CSMD1: variants seen among roughly 807,000 people sequenced by gnomAD.
CSMD1 encodes the protein CUB and sushi domain-containing protein 1.
A neutral mutation model predicts 417.5 loss-of-function variants in CSMD1; 213 were observed. The ratio of observed to expected loss-of-function variants is 0.51; its 90% CI spans 0.46 to 0.57. The LOEUF is 0.57. CSMD1 is among the 20% of genes least tolerant of loss of function. The probability of loss-of-function intolerance (pLI) is 0.00; values close to 1 mark genes in which losing one functional copy is unlikely to be tolerated. For missense variants in CSMD1, 6,923 were observed against 4,529.7 expected, an observed-to-expected ratio of 1.53 and a Z score of -15.17; for synonymous variants, 2,862 against 1,736.8, an observed-to-expected ratio of 1.65 and a Z score of -16.11.
At chr8:4,248,086 G>A (rs992990750) in intron 3 of CSMD1, among the ~76,000 whole-genome samples, 1 of 151,966 alleles carries the variant, frequency 6.6e-6, no homozygotes, top group Non-Finnish European at 1.5e-5. Context: ...ACTTTCTTCT[G>A]AAATTATTTT....
chr8:4,826,643 T>C (rs182242917), intron 1 of CSMD1, among the ~76,000 whole-genome samples: 1 of 152,150 alleles, frequency 6.6e-6, no homozygotes, highest in African/African-American at 2.4e-5. Context: ...CTGCAGGCAC[T>C]TGCACCTCAC....
chr8:3,573,364 T>C (rs376372846), intron 10 of CSMD1, among the ~76,000 whole-genome samples: 1 of 152,094 alleles, frequency 6.6e-6, no homozygotes, highest in Non-Finnish European at 1.5e-5. Context: ...GAGTAGCATA[T>C]AGAAAAAACA....
At chr8:3,831,623 T>TA (rs1465654304) in intron 5 of CSMD1, among the ~76,000 whole-genome samples, 1 of 152,206 alleles carries the variant, frequency 6.6e-6, no homozygotes, top group Non-Finnish European at 1.5e-5. Context: ...TTCATTGCAC[T>TA]ACTTATGGGT....
intron 5 of CSMD1, among the ~76,000 whole-genome samples, chr8:3,793,694 G>A (rs931998438): frequency 3.3e-5 from 5 of 152,116 alleles, no homozygotes; most frequent in Admixed American, 6.6e-5. Context: ...ATTATTCAGG[G>A]TAAGTTAATA....
intron 1 of CSMD1, among the ~76,000 whole-genome samples, chr8:4,964,542 A>G (rs1378958175): frequency 1.3e-5 from 2 of 150,850 alleles, no homozygotes; most frequent in Non-Finnish European, 3.0e-5. Flanking sequence ...AAGGAAGGAA[A>G]AAAAAAAAGG....
intron 28 of CSMD1, among the ~76,000 whole-genome samples, chr8:3,222,156 G>T (rs1259717921): frequency 6.6e-6 from 1 of 152,104 alleles, no homozygotes; most frequent in Non-Finnish European, 1.5e-5. Context: ...TAATCTATGG[G>T]TTGGGAGAGG....
chr8:4,280,425 G>A (rs368143322), intron 3 of CSMD1, among the ~76,000 whole-genome samples: 3 of 152,238 alleles, frequency 2.0e-5, no homozygotes, highest in East Asian at 1.9e-4. Context: ...TTTTAGTACC[G>A]AAATGTGCGA....
intron 6 of CSMD1, among the ~76,000 whole-genome samples, chr8:3,714,073 CA>C (rs1472962596): frequency 1.5e-5 from 2 of 136,128 alleles, no homozygotes; most frequent in Non-Finnish European, 3.3e-5. Context: ...TCCACATACA[CA>C]CATATGTATA....
chr8:2,965,997 C>T (rs1391545919), intron 58 of CSMD1, 43 bp from the exon 59 acceptor site: 2 of 1,493,088 alleles, frequency 1.3e-6, no homozygotes, highest in African/African-American at 1.4e-5. Flanking sequence ...AATTCATTTA[C>T]CATGAAATGA....
chr8:4,209,826 C>T (rs554258240), intron 3 of CSMD1, among the ~76,000 whole-genome samples: 1 of 152,310 alleles, frequency 6.6e-6, no homozygotes, highest in Admixed American at 6.5e-5. Context: ...TATCCACTTT[C>T]AATTACATGC....
intron 7 of CSMD1, among the ~76,000 whole-genome samples, chr8:3,645,640 T>C (rs1233130226): frequency 6.6e-6 from 1 of 152,124 alleles, no homozygotes; most frequent in Non-Finnish European, 1.5e-5. Flanking sequence ...TCTGCATTTG[T>C]AGAAATCACA....
chr8:4,124,602 G>A (rs1324846813), intron 3 of CSMD1, among the ~76,000 whole-genome samples: 2 of 152,124 alleles, frequency 1.3e-5, no homozygotes, highest in African/African-American at 4.8e-5. Context: ...CCTGTGCCTG[G>A]CACCAGCACG....
At chr8:4,320,706 C>T (rs1307990651) in intron 3 of CSMD1, among the ~76,000 whole-genome samples, 3 of 152,164 alleles carry the variant, frequency 2.0e-5, no homozygotes, top group Admixed American at 2.0e-4. Context: ...TTTATGGCTG[C>T]ATAGTATTCC....
At chr8:3,303,946 C>A (rs371012956) in intron 25 of CSMD1, among the ~76,000 whole-genome samples, 6,470 of 77,876 alleles carry the variant, frequency 0.083, 446 homozygotes, top group African/African-American at 0.22. Context: ...GGTATTGCGC[C>A]CCATTATAAT....
chr8:3,953,971 GA>G (rs1811754332), intron 5 of CSMD1, among the ~76,000 whole-genome samples: 1 of 152,172 alleles, frequency 6.6e-6, no homozygotes, highest in African/African-American at 2.4e-5. Context: ...GAGCGCACAG[GA>G]GCCCTTCCTT....
chr8:3,536,805 G>A (rs1369996854), intron 10 of CSMD1, among the ~76,000 whole-genome samples: 2 of 152,170 alleles, frequency 1.3e-5, no homozygotes, highest in Non-Finnish European at 2.9e-5. Flanking sequence ...CGGGAATGCT[G>A]TTAGGTTTGT....
At chr8:4,271,967 G>C (rs1804627433) in intron 3 of CSMD1, among the ~76,000 whole-genome samples, 1 of 152,072 alleles carries the variant, frequency 6.6e-6, no homozygotes, top group East Asian at 1.9e-4. Context: ...GGCAAAGTCA[G>C]CCCTCCCTAT....
At chr8:4,290,846 A>T (rs1407444130) in intron 3 of CSMD1, among the ~76,000 whole-genome samples, 1 of 152,340 alleles carries the variant, frequency 6.6e-6, no homozygotes. Context: ...GCAAAATGAA[A>T]ATATCCATCT....
At chr8:3,120,382 G>C (rs1335418072) in intron 41 of CSMD1, among the ~76,000 whole-genome samples, 3 of 152,138 alleles carry the variant, frequency 2.0e-5, no homozygotes, top group Admixed American at 1.3e-4. Context: ...GCAATATGTG[G>C]GCCTACAGCG....
Sources: gnomAD v4.1 joint callset for allele counts (sites outside exome capture counted in the v4.1 genomes callset) on GRCh38, gnomAD v4.1.1 for gene constraint, MANE v1.5 for transcripts, NCBI Gene and HGNC (gene_info 2026-07-23, HGNC 2026-07-21) for gene names.